The following ACOX1 variants were observed in gnomAD, a reference collection of about 807,000 sequenced individuals.
ACOX1 encodes the protein peroxisomal acyl-coenzyme A oxidase 1.
Under a neutral mutation model 75.5 loss-of-function variants are expected in ACOX1, and 41 were observed. That is an observed-to-expected ratio of 0.54 (90% CI 0.42 to 0.70). The LOEUF is 0.70. Ranked by LOEUF, ACOX1 falls within the 30% of genes least tolerant of loss-of-function variation. The pLI, the probability that ACOX1 is intolerant of heterozygous loss-of-function variation, is 0.00. For synonymous variants in ACOX1, 303 were observed against 298.8 expected, an observed-to-expected ratio of 1.01 and a Z score of -0.15; for missense variants, 630 against 837.5, an observed-to-expected ratio of 0.75 and a Z score of 3.06.
At chr17:75,953,380 G>C in intron 7 of ACOX1, 71 bp downstream of exon 7, 1 of 1,572,744 alleles carries the variant, frequency 6.4e-7, no homozygotes, top group Non-Finnish European at 8.7e-7. Flanking sequence ...TTGACATTTG[G>C]GAATTCTGGG....
In ACOX1 at chr17:75,967,243, G is replaced by T. The variant is rs142703020; in HGVS notation, c.270-6868C>A. On this transcript the variant is annotated intron_variant, in intron 2 of 13. Coordinates refer to ENST00000293217, the MANE Select transcript of ACOX1 (RefSeq NM_004035.7). ...CCTAGCACTTTGGGAGACCGAGGCG[G>T]GTGGATCACAAGGTCAGGAGATCGA... 9.2e-4 allele frequency among the ~76,000 whole-genome samples: 140 copies of T among 152,196 alleles called. 1 individual carries two copies. The highest frequency in any genetic ancestry group is 1.7e-3 in the Non-Finnish European group (117 of 68,008).
Position 75,955,427 on chromosome 17 carries a change from T to C in ACOX1, c.774+139A>G, listed in dbSNP as rs59865032. ...CATCCACGCACTCAGCCTCCCAAAG[T>C]GCTGGGATAACAGGAATATGCCAGT... On this transcript the variant is annotated intron_variant, in intron 6 of 13. Transcript: ENST00000293217. 16,904 of 764,374 alleles carry C rather than the reference T, an allele frequency of 0.022. 1,419 individuals carry two copies. Among genetic ancestry groups the C allele is most frequent in the African/African-American group, 0.21 (12,397 of 58,286 alleles). The allele number at this position is 764,374 out of a possible 1,614,324, so 47.3% of individuals were successfully genotyped here.
In ACOX1 at chr17:75,978,963, A is replaced by G; in HGVS notation, c.109+2T>C. The G allele has an allele frequency of 6.2e-7, 1 of 1,608,414 alleles. No individual in the cohort carries two copies. Among genetic ancestry groups the G allele is most frequent in the Non-Finnish European group, 8.5e-7 (1 of 1,179,608 alleles). On this transcript the variant is annotated splice_donor_variant, in intron 1 of 13. Transcript: ENST00000293217. LOFTEE classifies it high-confidence loss of function. This position sits in a 1 kb window ranked among gnomAD's most constrained non-coding sequence, Gnocchi z 4.2. ...GAGGGAGGTCTCGCCCGCCGCCCTCACCGATCTCTCGGCGGCGCCGGGTTT... is the reference window on the plus strand; with the variant it reads ...GAGGGAGGTCTCGCCCGCCGCCCTCGCCGATCTCTCGGCGGCGCCGGGTTT...
chr17:75,956,041 C>T (rs2065821757), intron 4 of ACOX1, 94 bp from the exon 5 acceptor site: 2 of 1,532,228 alleles, frequency 1.3e-6, no homozygotes, highest in Non-Finnish European at 9.0e-7. Context: ...AAATCTAACA[C>T]TAGACTAAAC....
Position 75,950,684 on chromosome 17 carries a change from G to A in ACOX1, c.1298+90C>T, listed in dbSNP as rs1000486808. ...CTTTCAGGAACAAATATATATATACGGTGAAGAAAAACCATGGGAACAAGA... is the reference window on the plus strand; with the variant it reads ...CTTTCAGGAACAAATATATATATACAGTGAAGAAAAACCATGGGAACAAGA... On this transcript the variant is annotated intron_variant, in intron 9 of 13. Coordinates refer to ENST00000293217, the MANE Select transcript of ACOX1 (RefSeq NM_004035.7). The surrounding 1 kb of genome is among the most constrained non-coding windows in gnomAD (Gnocchi z 4.3). 10 of 1,377,968 alleles carry A rather than the reference G, an allele frequency of 7.3e-6. No individual in the cohort carries two copies. The East Asian group carries it at 1.2e-4, about 16-fold the overall frequency. 85.4% of individuals were successfully genotyped at this position (1,377,968 alleles called of 1,614,324 possible). A position where few individuals can be genotyped will look rare whatever the true frequency, so the allele number is the denominator to read the frequency against.
rs368927500 is a variant in ACOX1, at chr17:75,951,463, G to A, written c.1059C>T (p.His353=). 4.3e-6 allele frequency: 7 copies of A among 1,614,140 alleles called. No individual in the cohort carries two copies. In the African/African-American group the frequency reaches 9.3e-5, roughly 22 times the overall value. ...FVGAYMKETY[H]RINEGIGQGD... ...CTTGACCAATGCCTTCGTTAATCCG[G>A]TGATAGGTCTCCTTCATGTATGCGC... is the stretch of plus-strand genomic sequence containing the variant. The change falls in exon 8 of 14, where the codon CAC becomes CAT. Residue 353 remains histidine (H), a synonymous_variant. Transcript: ENST00000293217.
At chr17:75,964,464 T>C (rs1463628906) in intron 2 of ACOX1, among the ~76,000 whole-genome samples, 1 of 152,134 alleles carries the variant, frequency 6.6e-6, no homozygotes, top group Non-Finnish European at 1.5e-5. Context: ...CCCATCAGCC[T>C]CTGGAAGATT....
chr17:75,961,743 G>C (rs1169107101), intron 2 of ACOX1, among the ~76,000 whole-genome samples: 3 of 140,674 alleles, frequency 2.1e-5, no homozygotes, highest in South Asian at 2.3e-4. Context: ...CTGGGCAACA[G>C]AGCGAGACTC....
At chr17:75,975,191 C>G (rs1455179227) in intron 2 of ACOX1, among the ~76,000 whole-genome samples, 1 of 151,656 alleles carries the variant, frequency 6.6e-6, no homozygotes, top group Non-Finnish European at 1.5e-5. Flanking sequence ...GACAGTCTCC[C>G]TCTGTTGCCC....
At chr17:75,969,313 C>T (rs868308350) in intron 2 of ACOX1, among the ~76,000 whole-genome samples, 11 of 151,904 alleles carry the variant, frequency 7.2e-5, no homozygotes, top group Non-Finnish European at 1.2e-4. Flanking sequence ...ATTACAGGCA[C>T]GCACCATCAC....
rs778021054 is a variant in ACOX1 at position 75,960,315 on chromosome 17, G to T, written c.330C>A (p.Thr110=). 2 of 1,614,090 alleles carry T rather than the reference G, an allele frequency of 1.2e-6. No individual in the cohort carries two copies. Among genetic ancestry groups the T allele is most frequent in the African/African-American group, 2.7e-5 (2 of 74,946 alleles). The change falls in exon 3 of 14, where the codon ACC becomes ACA. Residue 110 remains threonine, a synonymous_variant. Transcript: ENST00000293217. The surrounding 1 kb of genome is among the most constrained non-coding windows in gnomAD (Gnocchi z 4.4). ...LDLHLGMFLP[T]LLHQATAEQQ... ...GCTCCGCAGTTGCCTGGTGAAGCAA[G>T]GTGGGCAGGAACATGCCCAAGTGAA... is the stretch of plus-strand genomic sequence containing the variant.
In ACOX1 at chr17:75,979,052, C is replaced by G; in HGVS notation, c.22G>C (p.Glu8Gln). MNPDLRR[E>Q]RDSASFNPEL... ...GGGTTGAAGCTGGCGGAATCCCGCT[C>G]CCTGCGCAGGTCCGGGTTCATGGCG... is the stretch of plus-strand genomic sequence containing the variant. The change falls in exon 1 of 14, where the codon GAG becomes CAG. Residue 8 changes from glutamate to glutamine, a missense_variant. Glu to Gln is a conservative substitution (Grantham distance 29). Coordinates refer to ENST00000293217, the MANE Select transcript of ACOX1 (RefSeq NM_004035.7). The G allele has an allele frequency of 1.2e-6, 2 of 1,612,236 alleles. No homozygotes were observed. Among genetic ancestry groups the G allele is most frequent in the South Asian group, 2.2e-5 (2 of 91,086 alleles).
chr17:75,968,087 C>A (rs974876507), intron 2 of ACOX1, among the ~76,000 whole-genome samples: 1 of 151,440 alleles, frequency 6.6e-6, no homozygotes, highest in Non-Finnish European at 1.5e-5. Context: ...AATCAAAACA[C>A]GTAATAACAT....
rs2065685193 is a variant in ACOX1 at position 75,942,857 on chromosome 17, T to G, written c.*3891A>C. 1 of 152,246 alleles carries G rather than the reference T, an allele frequency of 6.6e-6. No individual in the cohort carries two copies. Among genetic ancestry groups the G allele is most frequent in the African/African-American group, 2.4e-5 (1 of 41,424 alleles). 9.4% of individuals were successfully genotyped at this position (152,246 alleles called of 1,614,324 possible). On this transcript the variant is annotated 3_prime_UTR_variant, in exon 14 of 14. Transcript: ENST00000293217. ...CGCAGTTGTCTAAAGAATTATTGAT[T>G]CACAGGGATCTCCAAGATCATGCAT...
intron 13 of ACOX1, among the ~76,000 whole-genome samples, chr17:75,947,620 T>C (rs1272568951): frequency 2.6e-5 from 4 of 152,134 alleles, no homozygotes; most frequent in Non-Finnish European, 5.9e-5. Context: ...TTGATAGTCA[T>C]TGCTGCTAGA....
At chr17:75,951,868 G>A (rs1378321548) in intron 7 of ACOX1, among the ~76,000 whole-genome samples, 1 of 124,190 alleles carries the variant, frequency 8.1e-6, no homozygotes, top group African/African-American at 3.2e-5. Flanking sequence ...AGGCTTTAGT[G>A]CAGTGGTGCG....
intron 7 of ACOX1, among the ~76,000 whole-genome samples, chr17:75,951,900 C>T (rs977839005): frequency 1.3e-5 from 2 of 150,598 alleles, no homozygotes; most frequent in South Asian, 2.1e-4. Context: ...CTGCAAGCTC[C>T]GCCTCCCAAG....
intron 2 of ACOX1, among the ~76,000 whole-genome samples, chr17:75,967,556 A>G (rs1391539063): frequency 6.7e-6 from 1 of 149,492 alleles, no homozygotes; most frequent in Non-Finnish European, 1.5e-5. Context: ...AAATATATAA[A>G]GCAAAAACGT....
At chr17:75,975,242 T>A (rs147358752) in intron 2 of ACOX1, among the ~76,000 whole-genome samples, 7,727 of 151,974 alleles carry the variant, frequency 0.051, 227 homozygotes, top group East Asian at 0.13. Context: ...CACGGCAACC[T>A]CTGCCTCCTA....
Sources: allele counts gnomAD v4.1 joint callset (sites outside exome capture counted in the v4.1 genomes callset), GRCh38; gene constraint gnomAD v4.1.1; non-coding constraint Gnocchi (gnomAD v3.1); transcripts MANE v1.5; gene names NCBI Gene and HGNC (gene_info 2026-07-23, HGNC 2026-07-21).